Variants in RNF207 observed in about 807,000 individuals in gnomAD.
The protein encoded by RNF207 is OTTHUMG00000001089.
In RNF207, 72 loss-of-function variants were observed where a neutral mutation model predicts 79.0. The ratio of observed to expected loss-of-function variants is 0.91; its 90% CI spans 0.75 to 1.11. The LOEUF (loss-of-function observed/expected upper bound fraction) is 1.11, where lower values mean the gene tolerates loss of function less well. RNF207 is among the 50% of genes least tolerant of loss of function. The pLI is 0.00. For missense variants in RNF207, 936 were observed against 855.8 expected (o/e 1.09, Z -1.17); for synonymous variants, 348 against 366.2 (o/e 0.95, Z 0.57).
chr1:6,206,145 A>C lies in RNF207; in HGVS notation c.-158A>C. On this transcript the variant is annotated 5_prime_UTR_variant, in exon 1 of 18. Transcript: ENST00000377939. ...GAGGGAGGCCCCGCGCAGAGTGGGA[A>C]CCATCGCCCGGTGCGGGCCTGAACT... 2 of 189,506 alleles carry C rather than the reference A, an allele frequency of 1.1e-5. No homozygotes were observed. Among genetic ancestry groups the C allele is most frequent in the African/African-American group, 2.4e-5 (1 of 42,530 alleles). The allele number at this position is 189,506 out of a possible 1,614,324, so 11.7% of individuals were successfully genotyped here. A position where few individuals can be genotyped will look rare whatever the true frequency, so the allele number is the denominator to read the frequency against.
chr1:6,215,705 G>A (rs1198825667), intron 16 of RNF207, among the ~76,000 whole-genome samples: 1 of 152,142 alleles, frequency 6.6e-6, no homozygotes, highest in Non-Finnish European at 1.5e-5. Flanking sequence ...CTGCCGCCCA[G>A]GCTGGAGTGC....
rs1667972431 is a variant in RNF207 at position 6,207,772 on chromosome 1, A to C, written c.324+261A>C. ...ATCTGGGGAGAGCTCACTGGTCCCC[A>C]ATTCAGGGTGGAGTTGTGGACCTGC... is the stretch of plus-strand genomic sequence containing the variant. On this transcript the variant is annotated intron_variant, in intron 3 of 17. Transcript: ENST00000377939. This position sits in a 1 kb window ranked among gnomAD's most constrained non-coding sequence, Gnocchi z 4.5. 1.5e-6 allele frequency: 1 copy of C among 657,388 alleles called. No homozygotes were observed. The highest frequency in any genetic ancestry group is 2.4e-4 in the Middle Eastern group (1 of 4,164). 40.7% of individuals were successfully genotyped at this position (657,388 alleles called of 1,614,324 possible). A position where few individuals can be genotyped will look rare whatever the true frequency, so the allele number is the denominator to read the frequency against.
At position 6,209,311 on chromosome 1, in the gene RNF207, C is replaced by T. The variant is rs1668053864; in HGVS notation, c.595C>T (p.Gln199Ter). The T allele has an allele frequency of 1.3e-6, 2 of 1,547,414 alleles. No individual in the cohort carries two copies. Among genetic ancestry groups the T allele is most frequent in the Admixed American group, 2.0e-5 (1 of 51,014 alleles). The part of the protein sequence containing the change: ...HCVDLESAYV[Q>*]GCERLEQAVL... The stretch of plus-strand genomic sequence containing the variant: ...CGTGGACCTGGAATCGGCTTACGTG[C>T]AGGGCTGCGAGCGGCTGGAGCAGGC... The change falls in exon 6 of 18, where the codon CAG becomes TAG. Residue 199 changes from glutamine to a stop codon, truncating the protein, a stop_gained. Transcript: ENST00000377939. LOFTEE classifies it high-confidence loss of function.
Position 6,211,013 on chromosome 1 carries a change from C to T in RNF207, c.1012-8C>T, listed in dbSNP as rs1668142330. 6.2e-7 allele frequency: 1 copy of T among 1,606,982 alleles called. No individual in the cohort carries two copies. The highest frequency in any genetic ancestry group is 1.3e-5 in the African/African-American group (1 of 74,814). On this transcript the variant is annotated splice_region_variant and splice_polypyrimidine_tract_variant and intron_variant, in intron 11 of 17. Transcript: ENST00000377939. This position sits in a 1 kb window ranked among gnomAD's most constrained non-coding sequence, Gnocchi z 4.2. ...GAGGCCACCTCATGACCCCATCCCG[C>T]TGCCCAGATTGCCAGTGACCACCGA... is the stretch of plus-strand genomic sequence containing the variant.
In RNF207 at chr1:6,206,814, GGAGAGT is replaced by G. The variant is rs576584467; in HGVS notation, c.191+89_191+94del. 659 of 1,105,458 alleles carry G rather than the reference GGAGAGT, an allele frequency of 6.0e-4. 7 individuals carry two copies. The African/African-American group carries it at 9.1e-3, about 15-fold the overall frequency. 68.5% of individuals were successfully genotyped at this position (1,105,458 alleles called of 1,614,324 possible). ...TGCCCGAGCTGGGACCCAGGTGCCA[GGAGAGT>G]AAGGCTCCAACTTCAGGCAGAACGA... On this transcript the variant is annotated intron_variant, in intron 2 of 17. Transcript: ENST00000377939.
Position 6,220,627 on chromosome 1 carries a change from T to TA in RNF207, c.*1221dup, listed in dbSNP as rs1204338653. On this transcript the variant is annotated 3_prime_UTR_variant, in exon 18 of 18. Transcript: ENST00000377939. ...AGCTTATGTGGCAGATGGTCTCAGT[T>TA]ACAACTTCGCTGCTTTCCCAAACTC... is the stretch of plus-strand genomic sequence containing the variant. The TA allele has an allele frequency of 6.6e-6, 1 of 152,186 alleles. No individual in the cohort carries two copies. Among genetic ancestry groups the TA allele is most frequent in the Non-Finnish European group, 1.5e-5 (1 of 68,034 alleles). The allele number at this position is 152,186 out of a possible 1,614,324, so 9.4% of individuals were successfully genotyped here.
At chr1:6,208,661 C>A (rs1024782506) in intron 3 of RNF207, 3 of 549,668 alleles carry the variant, frequency 5.5e-6, no homozygotes, top group Admixed American at 3.7e-5. Flanking sequence ...TCCCCCACCC[C>A]CCTCCACGGA....
intron 15 of RNF207, 34 bp from the exon 16 acceptor site, chr1:6,213,032 A>G (rs1320799057): frequency 2.8e-5 from 39 of 1,411,110 alleles, no homozygotes; most frequent in Non-Finnish European, 3.6e-5. Context: ...ATGCTTCAGG[A>G]TTAAGACCCC....
In RNF207 at chr1:6,209,553, GT is replaced by G; in HGVS notation, c.753+16del. ...GGCAGCATGCAGGTGAGGGGTGGGG[GT>G]TGGGGGATAAACGACCCAGCCGGGA... On this transcript the variant is annotated intron_variant, in intron 7 of 17. Transcript: ENST00000377939. 6.9e-7 allele frequency: 1 copy of G among 1,447,400 alleles called. No homozygotes were observed. The highest frequency in any genetic ancestry group is 9.0e-7 in the Non-Finnish European group (1 of 1,109,562). 89.7% of individuals were successfully genotyped at this position (1,447,400 alleles called of 1,614,324 possible). A position where few individuals can be genotyped will look rare whatever the true frequency, so the allele number is the denominator to read the frequency against.
chr1:6,213,979 C>T (rs980482277), intron 16 of RNF207, among the ~76,000 whole-genome samples: 1 of 152,186 alleles, frequency 6.6e-6, no homozygotes, highest in East Asian at 1.9e-4. Flanking sequence ...GGTGAAGTGC[C>T]TGTCAGGTTT....
chr1:6,213,883 C>G (rs1668270018), intron 16 of RNF207, among the ~76,000 whole-genome samples: 1 of 152,220 alleles, frequency 6.6e-6, no homozygotes, highest in Non-Finnish European at 1.5e-5. Flanking sequence ...GTTCCTGTCT[C>G]TGAGTCACTG....
At chr1:6,208,518 C>A (rs915892283) in intron 3 of RNF207, 5 of 216,822 alleles carry the variant, frequency 2.3e-5, no homozygotes, top group African/African-American at 9.3e-5. Context: ...AGGGTTTCGC[C>A]ATGTTGGCCA....
At chr1:6,213,974 AG>A (rs1358394598) in intron 16 of RNF207, among the ~76,000 whole-genome samples, 2 of 152,202 alleles carry the variant, frequency 1.3e-5, no homozygotes, top group African/African-American at 4.8e-5. Context: ...CTTGTGGTGA[AG>A]TGCCTGTCAG....
chr1:6,210,925 T>C lies in RNF207; in HGVS notation c.998T>C (p.Ile333Thr). The part of the protein sequence containing the change: ...IVTRPHHLRP[I>T]QSSKIASDHR... ...ACGCGGCCGCACCACCTAAGGCCTA[T>C]TCAGAGCAGCAAGGTGTGCAGTGGC... The change falls in exon 11 of 18, where the codon ATT (isoleucine) becomes ACT (threonine). Residue 333 changes from isoleucine (I) to threonine (T), a missense_variant. Ile to Thr is a moderately conservative substitution (Grantham distance 89). Coordinates refer to ENST00000377939, the MANE Select transcript of RNF207 (RefSeq NM_207396.3). 6.2e-7 allele frequency: 1 copy of C among 1,606,762 alleles called. No individual in the cohort carries two copies. Among genetic ancestry groups the C allele is most frequent in the South Asian group, 1.1e-5 (1 of 89,304 alleles).
At chr1:6,212,088 G>A in intron 13 of RNF207, 35 bp downstream of exon 13, 1 of 1,568,768 alleles carries the variant, frequency 6.4e-7, no homozygotes, top group Non-Finnish European at 8.7e-7. Context: ...GGGGGGAGAT[G>A]TCCTAACCCA....
Position 6,210,208 on chromosome 1 carries a change from GC to G in RNF207, c.801-9del. 2.5e-6 allele frequency: 4 copies of G among 1,610,054 alleles called. No individual in the cohort carries two copies. Among genetic ancestry groups the G allele is most frequent in the Non-Finnish European group, 3.4e-6 (4 of 1,177,690 alleles). On this transcript the variant is annotated splice_polypyrimidine_tract_variant and intron_variant, in intron 8 of 17. Coordinates refer to ENST00000377939, the MANE Select transcript of RNF207 (RefSeq NM_207396.3). ...CTCCTGGCCCCCTGGAAACCAGGCA[GC>G]CCCCCTCCCCCAGCCAATACGAAGA...
chr1:6,207,307 G>C lies in RNF207; in HGVS notation c.192-72G>C. ...CACAGCTATTTTTAGCTCCAGCCTG[G>C]AATGTGAGGGGTGGGGGTGGGGAGC... On this transcript the variant is annotated intron_variant, in intron 2 of 17. Transcript: ENST00000377939. The surrounding 1 kb of genome is among the most constrained non-coding windows in gnomAD (Gnocchi z 4.5). 6.9e-7 allele frequency: 1 copy of C among 1,455,438 alleles called. No individual in the cohort carries two copies. The highest frequency in any genetic ancestry group is 9.2e-7 in the Non-Finnish European group (1 of 1,087,840). The allele number at this position is 1,455,438 out of a possible 1,614,324, so 90.2% of individuals were successfully genotyped here. A position where few individuals can be genotyped will look rare whatever the true frequency, so the allele number is the denominator to read the frequency against.
intron 3 of RNF207, 160 bp from the exon 4 acceptor site, chr1:6,208,721 A>C: frequency 1.5e-6 from 1 of 683,904 alleles, no homozygotes; most frequent in Non-Finnish European, 2.4e-6. Context: ...TAAAGTGGGT[A>C]TATCAGAGCG....
rs1668168744 is a variant in RNF207, at chr1:6,211,606, T to A, written c.1110-261T>A. On this transcript the variant is annotated intron_variant, in intron 12 of 17. Transcript: ENST00000377939. The surrounding 1 kb of genome is among the most constrained non-coding windows in gnomAD (Gnocchi z 4.2). ...GCATAGAAGTGAACACACCACTCAC[T>A]CGGTCCTGGCCCCGGCAGCATTCCG... 1.3e-5 allele frequency among the ~76,000 whole-genome samples: 2 copies of A among 152,050 alleles called. No homozygotes were observed. Among genetic ancestry groups the A allele is most frequent in the African/African-American group, 4.8e-5 (2 of 41,336 alleles).
Sources: gnomAD v4.1 joint callset for allele counts (sites outside exome capture counted in the v4.1 genomes callset) on GRCh38, gnomAD v4.1.1 for gene constraint, Gnocchi (gnomAD v3.1) non-coding constraint, MANE v1.5 for transcripts, NCBI Gene and HGNC (gene_info 2026-07-23, HGNC 2026-07-21) for gene names.